Variants in BBS9 observed in about 807,000 individuals in gnomAD.
BBS9 encodes the protein Bardet-Biedl syndrome 9, also known as protein PTHB1.
BBS9 carries 89 observed loss-of-function variants against 117.7 expected under a neutral mutation model. That is an observed-to-expected ratio of 0.76 (90% CI 0.64 to 0.90). BBS9 has a LOEUF of 0.90. BBS9 is among the 40% of genes least tolerant of loss of function. BBS9 has a pLI of 0.00. For synonymous variants in BBS9, 379 were observed against 370.9 expected (o/e 1.02, Z -0.25); for missense variants, 982 against 1,042.2 (o/e 0.94, Z 0.80).
At chr7:33,262,493 G>C (rs1035969869) in intron 6 of BBS9, among the ~76,000 whole-genome samples, 1 of 152,238 alleles carries the variant, frequency 6.6e-6, no homozygotes, top group South Asian at 2.1e-4. Context: ...TATGAATTGG[G>C]AATAGGAAAA....
chr7:33,427,996 C>T (rs1029430587), intron 19 of BBS9, among the ~76,000 whole-genome samples: 3 of 152,106 alleles, frequency 2.0e-5, no homozygotes, highest in Non-Finnish European at 4.4e-5. Context: ...GTATGTATGA[C>T]TTCAATATCC....
intron 21 of BBS9, among the ~76,000 whole-genome samples, chr7:33,554,991 G>A (rs766846951): frequency 6.6e-6 from 1 of 152,134 alleles, no homozygotes; most frequent in African/African-American, 2.4e-5. Flanking sequence ...CAAGGTGAGG[G>A]CAGGGGTGGG....
At chr7:33,516,460 G>T (rs1283491279) in intron 20 of BBS9, among the ~76,000 whole-genome samples, 1 of 131,944 alleles carries the variant, frequency 7.6e-6, no homozygotes, top group Non-Finnish European at 1.5e-5. Flanking sequence ...CTGCACTCCA[G>T]CCTGGGCAGC....
intron 19 of BBS9, among the ~76,000 whole-genome samples, chr7:33,436,077 C>T (rs2128887725): frequency 6.6e-6 from 1 of 152,276 alleles, no homozygotes; most frequent in South Asian, 2.1e-4. Flanking sequence ...GCAAGTGCAA[C>T]TTTAAGACAG....
At chr7:33,543,516 G>A (rs10275888) in intron 21 of BBS9, among the ~76,000 whole-genome samples, 51,515 of 151,918 alleles carry the variant, frequency 0.34, 9,244 homozygotes, top group South Asian at 0.45. Flanking sequence ...TGGGTTTTTC[G>A]TCATGAAATC....
chr7:33,415,802 C>T (rs1006923075), intron 19 of BBS9, among the ~76,000 whole-genome samples: 7 of 152,112 alleles, frequency 4.6e-5, no homozygotes, highest in African/African-American at 1.7e-4. Context: ...TTATAATTGG[C>T]TCACCTAGTG....
At chr7:33,166,450 G>A (rs1398184489) in intron 4 of BBS9, among the ~76,000 whole-genome samples, 1 of 152,250 alleles carries the variant, frequency 6.6e-6, no homozygotes, top group Non-Finnish European at 1.5e-5. Context: ...GTTCAGCTAT[G>A]CCCTGCCTCC....
chr7:33,460,564 A>G (rs1039027368), intron 19 of BBS9, among the ~76,000 whole-genome samples: 11 of 152,088 alleles, frequency 7.2e-5, no homozygotes, highest in Admixed American at 7.2e-4. Flanking sequence ...AAAGAAAAAT[A>G]CAAGCAAAAT....
At chr7:33,596,814 C>T (rs948118077) in intron 21 of BBS9, among the ~76,000 whole-genome samples, 11 of 151,966 alleles carry the variant, frequency 7.2e-5, no homozygotes, top group Non-Finnish European at 1.3e-4. Context: ...GCTTTTAATC[C>T]TGTCTCCCTC....
At chr7:33,253,298 G>A (rs970328090) in intron 5 of BBS9, among the ~76,000 whole-genome samples, 3 of 152,096 alleles carry the variant, frequency 2.0e-5, no homozygotes, top group Non-Finnish European at 2.9e-5. Flanking sequence ...ACAAAGACTA[G>A]ACTTAATGAT....
intron 16 of BBS9, among the ~76,000 whole-genome samples, chr7:33,365,270 C>A (rs1821467857): frequency 6.6e-6 from 1 of 152,094 alleles, no homozygotes; most frequent in Admixed American, 6.5e-5. Flanking sequence ...GATGCCGGCA[C>A]ATTTGGTGGA....
Position 33,345,813 on chromosome 7 carries a change from A to G in BBS9, c.1329+1179A>G, listed in dbSNP as rs370319212. Among the ~76,000 whole-genome samples, 5 of 152,224 alleles carry G rather than the reference A, an allele frequency of 3.3e-5. No individual in the cohort carries two copies. The East Asian group carries it at 9.6e-4, about 29-fold the overall frequency. On this transcript the variant is annotated intron_variant, in intron 12 of 22. Transcript: ENST00000242067. ...TGATAACGTTCAGACACATACATGTAATAATTTAGGAGTGCACTGTTAATT... is the reference window on the plus strand; with the variant it reads ...TGATAACGTTCAGACACATACATGTGATAATTTAGGAGTGCACTGTTAATT...
At chr7:33,332,113 C>T (rs1413525804) in intron 9 of BBS9, among the ~76,000 whole-genome samples, 1 of 152,036 alleles carries the variant, frequency 6.6e-6, no homozygotes, top group Non-Finnish European at 1.5e-5. Flanking sequence ...GCACATAGAC[C>T]AATGGAACAG....
intron 9 of BBS9, among the ~76,000 whole-genome samples, chr7:33,276,241 C>G (rs1388126183): frequency 6.6e-6 from 1 of 152,102 alleles, no homozygotes; most frequent in Non-Finnish European, 1.5e-5. Flanking sequence ...TTGTAAAACA[C>G]TAGACTCAAT....
chr7:33,328,220 G>T (rs1489540525), intron 9 of BBS9, among the ~76,000 whole-genome samples: 2 of 152,172 alleles, frequency 1.3e-5, no homozygotes, highest in African/African-American at 4.8e-5. Context: ...CCTCTGCCCT[G>T]TGAAGCCTTG....
chr7:33,579,717 A>C (rs1389581199), intron 21 of BBS9, among the ~76,000 whole-genome samples: 3 of 152,178 alleles, frequency 2.0e-5, no homozygotes, highest in African/African-American at 7.2e-5. Flanking sequence ...ATAAAATGTC[A>C]GCCAAGCATT....
chr7:33,434,957 AT>A (rs1295536978), intron 19 of BBS9, among the ~76,000 whole-genome samples: 2 of 152,152 alleles, frequency 1.3e-5, no homozygotes, highest in Non-Finnish European at 2.9e-5. Context: ...CCATTACTTC[AT>A]TTTAGCCTTC....
At chr7:33,543,273 T>G (rs1230001521) in intron 21 of BBS9, among the ~76,000 whole-genome samples, 2 of 151,842 alleles carry the variant, frequency 1.3e-5, no homozygotes, top group Non-Finnish European at 2.9e-5. Flanking sequence ...TTGAGAATTG[T>G]CTATTCATGT....
chr7:33,341,842 A>G (rs899457773), intron 11 of BBS9, among the ~76,000 whole-genome samples: 8 of 152,064 alleles, frequency 5.3e-5, no homozygotes, highest in African/African-American at 1.9e-4. Context: ...TCCTCACTTA[A>G]GTTTTCTATA....
Sources: allele counts gnomAD v4.1 joint callset (sites outside exome capture counted in the v4.1 genomes callset), GRCh38; gene constraint gnomAD v4.1.1; transcripts MANE v1.5; gene names NCBI Gene and HGNC (gene_info 2026-07-23, HGNC 2026-07-21).